Variants in FAM114A2 observed in about 807,000 individuals in gnomAD.
FAM114A2 encodes the protein protein FAM114A2.
Under a neutral mutation model 58.4 loss-of-function variants are expected in FAM114A2, and 53 were observed. The observed-to-expected ratio is 0.91, with a 90% confidence interval of 0.73 to 1.14. The LOEUF is 1.14. Among genes scored for constraint, FAM114A2 ranks in the 50% most tolerant of loss-of-function variants. The pLI, the probability that FAM114A2 is intolerant of heterozygous loss-of-function variation, is 0.00. For missense variants in FAM114A2, 601 were observed against 581.1 expected (o/e 1.03, Z -0.35); for synonymous variants, 228 against 211.4 (o/e 1.08, Z -0.68).
intron 11 of FAM114A2, among the ~76,000 whole-genome samples, chr5:153,999,847 G>C (rs1438837402): frequency 6.6e-6 from 1 of 152,120 alleles, no homozygotes; most frequent in African/African-American, 2.4e-5. Context: ...GTTTATTGCA[G>C]CACTATTCAC....
At chr5:154,005,216 C>G (rs1770273304) in intron 9 of FAM114A2, among the ~76,000 whole-genome samples, 1 of 152,178 alleles carries the variant, frequency 6.6e-6, no homozygotes, top group South Asian at 2.1e-4. Flanking sequence ...TGACCAGCAC[C>G]CATATCTCCT....
rs985973232 is a variant in FAM114A2, at chr5:153,992,266, T to A, written c.*710A>T. ...TTCTCTAAATTGCATTTACTGGCCT[T>A]GAATCCAGTAGAGTAGGGTTCAGCT... On this transcript the variant is annotated 3_prime_UTR_variant, in exon 14 of 14. Transcript: ENST00000351797. 1 of 152,202 alleles carries A rather than the reference T, an allele frequency of 6.6e-6. No individual in the cohort carries two copies. Among genetic ancestry groups the A allele is most frequent in the African/African-American group, 2.4e-5 (1 of 41,442 alleles). 9.4% of individuals were successfully genotyped at this position (152,202 alleles called of 1,614,324 possible).
rs748602939 is a variant in FAM114A2, at chr5:154,028,139, T to C, written c.630+10A>G. 8 of 1,603,470 alleles carry C rather than the reference T, an allele frequency of 5.0e-6. 1 individual carries two copies. The Admixed American group carries it at 1.2e-4, about 24-fold the overall frequency. Reference sequence around the variant, plus strand: ...GAAACAGGAAGTAAACAGGTAAGGATAATCAGTACCTGAGATAGTGTAGCA... The same window carrying C: ...GAAACAGGAAGTAAACAGGTAAGGACAATCAGTACCTGAGATAGTGTAGCA... On this transcript the variant is annotated intron_variant, in intron 6 of 13. Coordinates refer to ENST00000351797, the MANE Select transcript of FAM114A2 (RefSeq NM_018691.4).
chr5:154,007,398 A>G (rs1770425604), intron 9 of FAM114A2, among the ~76,000 whole-genome samples: 1 of 152,162 alleles, frequency 6.6e-6, no homozygotes, highest in Non-Finnish European at 1.5e-5. Flanking sequence ...GAGTATTAGA[A>G]CAAGAATCAG....
Position 154,028,203 on chromosome 5 carries a change from A to G in FAM114A2, c.576T>C (p.Asp192=), listed in dbSNP as rs946497331. 7 of 1,612,258 alleles carry G rather than the reference A, an allele frequency of 4.3e-6. No homozygotes were observed. The African/African-American group carries it at 8.0e-5, about 18-fold the overall frequency. Residue 192 remains aspartate, a synonymous_variant, in exon 6 of 14, where the codon GAT becomes GAC. Transcript: ENST00000351797. ...KKTMDVIAEG[D]PGFKRTKGLM... is the part of the protein sequence containing the mutation. The stretch of plus-strand genomic sequence containing the variant: ...GACCCTTGGTTCTTTTAAATCCAGG[A>G]TCCCCTTCTGCTATCACATCCATTG...
chr5:154,036,529 A>C (rs1465884760), intron 1 of FAM114A2: 2 of 152,224 alleles, frequency 1.3e-5, no homozygotes, highest in African/African-American at 2.4e-5. Context: ...ATGCTATCAA[A>C]ATGTTTCTAA....
intron 11 of FAM114A2, among the ~76,000 whole-genome samples, chr5:153,999,669 C>T (rs1304828344): frequency 6.6e-6 from 1 of 151,258 alleles, no homozygotes; most frequent in Admixed American, 6.6e-5. Flanking sequence ...GCAACAATTC[C>T]AAGAAAAGAG....
rs769796954 is a variant in FAM114A2, at chr5:154,034,927, A to G, written c.27T>C (p.Thr9=). The G allele has an allele frequency of 3.0e-5, 48 of 1,613,732 alleles. No individual in the cohort carries two copies. Among genetic ancestry groups the G allele is most frequent in the South Asian group, 4.4e-5 (4 of 91,076 alleles). The change falls in exon 2 of 14, where the codon ACT becomes ACC. Residue 9 remains threonine (T), a synonymous_variant. Transcript: ENST00000351797. MSDKDDIE[T]PLLTEAAPIL... is the part of the protein sequence containing the mutation. ...TGGGGGCTGCTTCAGTTAGCAGTGG[A>G]GTCTCAATATCATCTTTATCTGACA...
chr5:154,003,581 C>T lies in FAM114A2; in HGVS notation c.994-612G>A, dbSNP rs562700681. The stretch of plus-strand genomic sequence containing the variant: ...TTTTATGTGTATATGCCTACGAAAC[C>T]GTGATCAAGATATAGAATATTTCCT... On this transcript the variant is annotated intron_variant, in intron 9 of 13. Transcript: ENST00000351797. Among the ~76,000 whole-genome samples, 11 of 152,214 alleles carry T rather than the reference C, an allele frequency of 7.2e-5. No individual in the cohort carries two copies. The East Asian group carries it at 1.7e-3, about 24-fold the overall frequency.
At chr5:154,029,931 C>T (rs1272725344) in intron 4 of FAM114A2, among the ~76,000 whole-genome samples, 2 of 152,064 alleles carry the variant, frequency 1.3e-5, no homozygotes, top group Non-Finnish European at 2.9e-5. Context: ...AGAACAGTGA[C>T]TACAAAAGGA....
At chr5:154,002,601 T>C (rs1180840226) in intron 10 of FAM114A2, among the ~76,000 whole-genome samples, 1 of 152,160 alleles carries the variant, frequency 6.6e-6, no homozygotes, top group East Asian at 1.9e-4. Context: ...GGCCAAATGA[T>C]TTAGATAACA....
intron 8 of FAM114A2, among the ~76,000 whole-genome samples, chr5:154,024,681 T>C (rs1046098045): frequency 1.3e-5 from 2 of 152,170 alleles, no homozygotes; most frequent in Non-Finnish European, 2.9e-5. Flanking sequence ...TTAGTTGCAA[T>C]GAACCATATT....
rs530718089 is a variant in FAM114A2, at chr5:154,017,442, C to CA, written c.914-6123dup. Among the ~76,000 whole-genome samples, 302 of 151,526 alleles carry CA rather than the reference C, an allele frequency of 2.0e-3. 1 individual carries two copies. The highest frequency in any genetic ancestry group is 6.9e-3 in the African/African-American group (286 of 41,314). On this transcript the variant is annotated intron_variant, in intron 8 of 13. Transcript: ENST00000351797. ...GGGCAACAAGAGCGAAACTCCATCT[C>CA]AAAAAAAATAAATAAATAAAATAAA...
chr5:154,025,885 T>A (rs979096610), intron 8 of FAM114A2, among the ~76,000 whole-genome samples: 5 of 152,176 alleles, frequency 3.3e-5, no homozygotes, highest in Admixed American at 2.6e-4. Context: ...ACATTTACAT[T>A]TTCTGAGAAA....
intron 13 of FAM114A2, among the ~76,000 whole-genome samples, chr5:153,993,339 G>A (rs1356667526): frequency 6.6e-6 from 1 of 152,002 alleles, no homozygotes; most frequent in African/African-American, 2.4e-5. Flanking sequence ...TGTACAACTT[G>A]CCCATCAGAC....
At chr5:153,998,022 C>A in intron 11 of FAM114A2, 147 bp from the exon 12 acceptor site, 1 of 499,732 alleles carries the variant, frequency 2.0e-6, no homozygotes, top group Non-Finnish European at 3.6e-6. Context: ...AGTATCCCCC[C>A]CTTATCTGTG....
chr5:154,017,563 G>A (rs1771124919), intron 8 of FAM114A2, among the ~76,000 whole-genome samples: 1 of 152,146 alleles, frequency 6.6e-6, no homozygotes, highest in Admixed American at 6.5e-5. Context: ...AGAAACAATG[G>A]ATTTAAACTA....
At chr5:154,008,337 T>A (rs1561550371) in intron 9 of FAM114A2, among the ~76,000 whole-genome samples, 1 of 152,260 alleles carries the variant, frequency 6.6e-6, no homozygotes, top group Non-Finnish European at 1.5e-5. Flanking sequence ...ACTGTACATA[T>A]TCAAAAATAA....
chr5:153,999,177 G>T (rs994286952), intron 11 of FAM114A2, among the ~76,000 whole-genome samples: 3 of 151,990 alleles, frequency 2.0e-5, no homozygotes, highest in Non-Finnish European at 4.4e-5. Context: ...TTAAAAAATG[G>T]GCAAAGGACA....
Sources: gnomAD v4.1 joint callset for allele counts (sites outside exome capture counted in the v4.1 genomes callset) on GRCh38, gnomAD v4.1.1 for gene constraint, MANE v1.5 for transcripts, NCBI Gene and HGNC (gene_info 2026-07-23, HGNC 2026-07-21) for gene names.